TJP2: variants seen among roughly 807,000 people sequenced by gnomAD.
TJP2 encodes the protein Friedreich ataxia region gene X104 (tight junction protein ZO-2).
TJP2 carries 91 observed loss-of-function variants against 133.1 expected under a neutral mutation model. The observed-to-expected ratio is 0.68, with a 90% CI of 0.58 to 0.81. TJP2 has a LOEUF of 0.81. Ranked by LOEUF, TJP2 falls within the 40% of genes least tolerant of loss-of-function variation. The pLI, the probability that TJP2 is intolerant of heterozygous loss-of-function variation, is 0.00. For synonymous variants in TJP2, 592 were observed against 583.4 expected, an observed-to-expected ratio of 1.01 and a Z score of -0.21; for missense variants, 1,541 against 1,565.6, an observed-to-expected ratio of 0.98 and a Z score of 0.26.
chr9:69,203,071 T>A (rs900602839), intron 1 of TJP2, among the ~76,000 whole-genome samples: 1 of 152,018 alleles, frequency 6.6e-6, no homozygotes, highest in Admixed American at 6.5e-5. Flanking sequence ...ATTTATTTCC[T>A]CATGAGGATA....
chr9:69,215,292 CTGCACA>C (rs1828272824), intron 2 of TJP2, among the ~76,000 whole-genome samples: 1 of 150,494 alleles, frequency 6.6e-6, no homozygotes, highest in Non-Finnish European at 1.5e-5. Flanking sequence ...TATAACAAAC[CTGCACA>C]TGTACTCCTG....
At chr9:69,192,716 A>G (rs2133071300) in intron 1 of TJP2, among the ~76,000 whole-genome samples, 1 of 152,118 alleles carries the variant, frequency 6.6e-6, no homozygotes, top group African/African-American at 2.4e-5. Flanking sequence ...CCAGTTTCTT[A>G]CCTACTCCTC....
upstream of TJP2, among the ~76,000 whole-genome samples, chr9:69,171,586 A>G (rs1290279128): frequency 1.3e-5 from 2 of 152,100 alleles, no homozygotes; most frequent in African/African-American, 4.8e-5. Flanking sequence ...TTTAGAATGT[A>G]TAAGCAACCC....
rs183904054 is a variant in TJP2, at chr9:69,225,784, G to A, written c.1057-238G>A. On this transcript the variant is annotated intron_variant, in intron 6 of 22. Transcript: ENST00000377245. ...ACACGTTCCAGTAGTAAACCAAACC[G>A]TTGTCTTGAGCTTGGAAGTTAAATA... Among the ~76,000 whole-genome samples, 29 of 152,232 alleles carry A rather than the reference G, an allele frequency of 1.9e-4. No homozygotes were observed. In the South Asian group the frequency reaches 2.3e-3, roughly 12 times the overall value.
intron 2 of TJP2, among the ~76,000 whole-genome samples, chr9:69,154,862 A>G (rs1823663437): frequency 6.6e-6 from 1 of 152,138 alleles, no homozygotes; most frequent in South Asian, 2.1e-4. Flanking sequence ...ACGAAATCTC[A>G]TTGTTAGGCA....
chr9:69,222,207 CTG>C (rs1828935704), intron 5 of TJP2, among the ~76,000 whole-genome samples: 1 of 144,400 alleles, frequency 6.9e-6, no homozygotes, highest in African/African-American at 2.6e-5. Flanking sequence ...CAGAGTCTCA[CTG>C]TGTCACCCTG....
Position 69,223,069 on chromosome 9 carries a change from G to GAAA in TJP2, c.952+1593_952+1595dup, listed in dbSNP as rs57114714. 4.8e-3 allele frequency among the ~76,000 whole-genome samples: 542 copies of GAAA among 114,016 alleles called. 20 individuals are homozygous for GAAA. The highest frequency in any genetic ancestry group is 0.032 in the East Asian group (75 of 2,358). 74.8% of individuals were successfully genotyped at this position (114,016 alleles called of 152,430 possible). The stretch of plus-strand genomic sequence containing the variant: ...GGGTGACAGAGCGAGACTCTGTCTT[G>GAAA]AAAAAAAAAAAAAAAAAAAAAAGAA... On this transcript the variant is annotated intron_variant, in intron 5 of 22. Coordinates refer to ENST00000377245, the MANE Select transcript of TJP2 (RefSeq NM_004817.4).
At chr9:69,216,489 C>T (rs1330439048) in intron 3 of TJP2, 26 bp downstream of exon 3, 2 of 1,613,460 alleles carry the variant, frequency 1.2e-6, no homozygotes, top group Non-Finnish European at 1.7e-6. Context: ...CGCTCCGCAG[C>T]CCCTACCAGC....
chr9:69,209,591 TA>T (rs1315414242), intron 1 of TJP2, among the ~76,000 whole-genome samples: 2 of 150,884 alleles, frequency 1.3e-5, no homozygotes, highest in African/African-American at 4.9e-5. Flanking sequence ...CTGTCTCTAC[TA>T]AAAATACAAA....
chr9:69,241,438 C>T (rs1830569816), intron 17 of TJP2, among the ~76,000 whole-genome samples: 1 of 152,144 alleles, frequency 6.6e-6, no homozygotes, highest in South Asian at 2.1e-4. Context: ...TAGTGTATCT[C>T]TGATACTGGA....
rs576812964 is a variant in TJP2 at position 69,192,501 on chromosome 9, C to G, written c.60+18069C>G. On this transcript the variant is annotated intron_variant, in intron 1 of 22. Coordinates refer to ENST00000377245, the MANE Select transcript of TJP2 (RefSeq NM_004817.4). ...TTGGTCTCCAGGCCCCAAGAGGAAGCAAAAGCCTAATTCATCTTGGCAAAT... is the reference window on the plus strand; with the variant it reads ...TTGGTCTCCAGGCCCCAAGAGGAAGGAAAAGCCTAATTCATCTTGGCAAAT... Among the ~76,000 whole-genome samples, 8 of 152,190 alleles carry G rather than the reference C, an allele frequency of 5.3e-5. No homozygotes were observed. In the East Asian group the frequency reaches 1.6e-3, roughly 30 times the overall value.
intron 2 of TJP2, among the ~76,000 whole-genome samples, chr9:69,155,033 C>T (rs1474557919): frequency 6.6e-6 from 1 of 151,588 alleles, no homozygotes; most frequent in Non-Finnish European, 1.5e-5. Context: ...GCCTGGCCAA[C>T]ATGGTGAAAC....
At chr9:69,183,706 G>T (rs538453683) in intron 1 of TJP2, among the ~76,000 whole-genome samples, 52 of 152,214 alleles carry the variant, frequency 3.4e-4, no homozygotes, top group African/African-American at 1.1e-3. Context: ...AGGACCATAG[G>T]TTAGGGATTT....
chr9:69,230,395 C>T (rs945172381), intron 11 of TJP2, among the ~76,000 whole-genome samples, 163 bp downstream of exon 11: 9 of 152,206 alleles, frequency 5.9e-5, no homozygotes, highest in African/African-American at 1.9e-4. Flanking sequence ...CAAATGCGTC[C>T]TGTCTTCTCA....
At chr9:69,250,856 T>C (rs1588161317) in intron 20 of TJP2, among the ~76,000 whole-genome samples, 179 bp from the exon 21 acceptor site, 1 of 152,114 alleles carries the variant, frequency 6.6e-6, no homozygotes, top group Non-Finnish European at 1.5e-5. Flanking sequence ...GGAAGGGAGG[T>C]AGGGCTCAGG....
chr9:69,124,850 A>T lies in TJP2; in HGVS notation c.-131+3125A>T, dbSNP rs748575670. Among the ~76,000 whole-genome samples the T allele has an allele frequency of 1.7e-4, 13 of 77,614 alleles. 5 individuals are homozygous for T. The highest frequency in any genetic ancestry group is 3.3e-4 in the Non-Finnish European group (11 of 33,572). 50.9% of individuals were successfully genotyped at this position (77,614 alleles called of 152,430 possible). A position where few individuals can be genotyped will look rare whatever the true frequency, so the allele number is the denominator to read the frequency against. On this transcript the variant is annotated intron_variant, in intron 1 of 5. Coordinates refer to the TJP2 transcript ENST00000423935. ...AGAAAACATTTCTTAGAAAATGTCC[A>T]GTGAATGGTTTTATCAGTGATTTCA...
chr9:69,190,580 C>T (rs560914683), intron 1 of TJP2, among the ~76,000 whole-genome samples: 55 of 151,982 alleles, frequency 3.6e-4, no homozygotes, highest in Non-Finnish European at 6.9e-4. Flanking sequence ...AGTTTATCCC[C>T]AAATAGTGTA....
chr9:69,218,017 A>G (rs893141147), intron 3 of TJP2, among the ~76,000 whole-genome samples: 25 of 152,060 alleles, frequency 1.6e-4, no homozygotes, highest in Non-Finnish European at 3.4e-4. Flanking sequence ...GTTTGGGGAG[A>G]TCAGGCCTCT....
intron 2 of TJP2, among the ~76,000 whole-genome samples, chr9:69,214,081 C>T (rs1231189484): frequency 6.6e-6 from 1 of 152,018 alleles, no homozygotes; most frequent in East Asian, 1.9e-4. Context: ...TGAAACTGGG[C>T]TTAGATACAT....
Sources: gnomAD v4.1 joint callset for allele counts (sites outside exome capture counted in the v4.1 genomes callset) on GRCh38, gnomAD v4.1.1 for gene constraint, MANE v1.5 for transcripts, NCBI Gene and HGNC (gene_info 2026-07-23, HGNC 2026-07-21) for gene names.